The following CACNA1D variants were observed in gnomAD, a reference collection of about 807,000 sequenced individuals.
The protein encoded by CACNA1D is voltage-dependent L-type calcium channel subunit alpha-1D.
CACNA1D carries 55 observed loss-of-function variants against 257.1 expected under a neutral mutation model. That is an observed-to-expected ratio of 0.21 (90% CI 0.17 to 0.27). The LOEUF (loss-of-function observed/expected upper bound fraction) is 0.27, where lower values mean the gene tolerates loss of function less well. CACNA1D is among the 10% of genes least tolerant of loss of function. The pLI, the probability that CACNA1D is intolerant of heterozygous loss-of-function variation, is 1.00. For missense variants in CACNA1D, 1,876 were observed against 2,784.0 expected, an observed-to-expected ratio of 0.67 and a Z score of 7.34; for synonymous variants, 980 against 1,014.9, an observed-to-expected ratio of 0.97 and a Z score of 0.65.
At chr3:53,622,922 C>G (rs191684925) in intron 3 of CACNA1D, among the ~76,000 whole-genome samples, 200 of 150,664 alleles carry the variant, frequency 1.3e-3, no homozygotes, top group Non-Finnish European at 1.6e-3. Flanking sequence ...CGGAGTCTTG[C>G]TCTGTCACCC....
intron 3 of CACNA1D, chr3:53,530,331 A>T (rs529500637): frequency 2.0e-5 from 3 of 152,274 alleles, no homozygotes; most frequent in East Asian, 1.9e-4. Context: ...GTGTGTTGTC[A>T]TGCTTTAGGA....
At chr3:53,715,325 A>G (rs780376036) in intron 9 of CACNA1D, among the ~76,000 whole-genome samples, 24 of 152,254 alleles carry the variant, frequency 1.6e-4, no homozygotes, top group Middle Eastern at 3.4e-3. Context: ...GGTGTCAAAC[A>G]ACTATGACAG....
rs76116753 is a variant in CACNA1D, at chr3:53,570,171, T to G, written c.483+68451T>G. On this transcript the variant is annotated intron_variant, in intron 3 of 47. Coordinates refer to ENST00000350061, the MANE Select transcript of CACNA1D (RefSeq NM_001128840.3). ...GTTAGATTTGATTTACATTTCAACT[T>G]ACAGAGCCTTTTTCAGGAATTTATT... 3.2e-3 allele frequency among the ~76,000 whole-genome samples: 487 copies of G among 152,364 alleles called. 4 individuals carry two copies. The highest frequency in any genetic ancestry group is 0.011 in the African/African-American group (438 of 41,588).
chr3:53,502,052 C>CTTTTTTTTT (rs750904996), intron 3 of CACNA1D, among the ~76,000 whole-genome samples: 1 of 135,386 alleles, frequency 7.4e-6, no homozygotes. Context: ...TTTTTCTTTT[C>CTTTTTTTTT]TTTTTTTTTT....
chr3:53,511,379 C>T (rs766557333), intron 3 of CACNA1D, among the ~76,000 whole-genome samples: 2 of 152,284 alleles, frequency 1.3e-5, no homozygotes, highest in South Asian at 4.1e-4. Flanking sequence ...CATCCTGACA[C>T]ACAGGGTTTT....
chr3:53,807,081 C>T (rs1025384528), intron 45 of CACNA1D, among the ~76,000 whole-genome samples: 2 of 152,250 alleles, frequency 1.3e-5, no homozygotes, highest in African/African-American at 4.8e-5. Flanking sequence ...TTCCCTCCTC[C>T]ACCTGTGTTC....
chr3:53,746,268 C>T lies in CACNA1D; in HGVS notation c.3167+393C>T, dbSNP rs370366339. On this transcript the variant is annotated intron_variant, in intron 25 of 47. Transcript: ENST00000350061. Reference sequence around the variant, plus strand: ...CATGACAGCCATGTGGATGATTTCCCCAAATCAGAATTTGGAACTCAACTC... The same window carrying T: ...CATGACAGCCATGTGGATGATTTCCTCAAATCAGAATTTGGAACTCAACTC... Among the ~76,000 whole-genome samples the T allele has an allele frequency of 5.9e-5, 9 of 152,238 alleles. No homozygotes were observed. In the East Asian group the frequency reaches 1.2e-3, roughly 20 times the overall value.
chr3:53,774,702 T>C lies in CACNA1D; in HGVS notation c.4202+24T>C. 6.8e-7 allele frequency: 1 copy of C among 1,460,318 alleles called. No homozygotes were observed. The highest frequency in any genetic ancestry group is 9.6e-7 in the Non-Finnish European group (1 of 1,039,614). 90.5% of individuals were successfully genotyped at this position (1,460,318 alleles called of 1,614,324 possible). ...AGGTGACTGCAACTGGCTTGGGCGG[T>C]GCTCCTGGGCAGGGGGGTCCGCTAG... On this transcript the variant is annotated intron_variant, in intron 34 of 47. Coordinates refer to ENST00000350061, the MANE Select transcript of CACNA1D (RefSeq NM_001128840.3). The surrounding 1 kb of genome is among the most constrained non-coding windows in gnomAD (Gnocchi z 4.3).
At chr3:53,567,446 A>G (rs939497450) in intron 3 of CACNA1D, among the ~76,000 whole-genome samples, 1 of 152,216 alleles carries the variant, frequency 6.6e-6, no homozygotes, top group African/African-American at 2.4e-5. Flanking sequence ...TCAGACCTCA[A>G]AGTCTCTTCT....
chr3:53,755,198 A>T (rs2095255698), intron 29 of CACNA1D, among the ~76,000 whole-genome samples: 1 of 152,224 alleles, frequency 6.6e-6, no homozygotes, highest in African/African-American at 2.4e-5. Context: ...TGCAACATGG[A>T]ACCTCTCTGT....
chr3:53,655,476 T>G (rs1034737189), intron 4 of CACNA1D, among the ~76,000 whole-genome samples: 4 of 152,196 alleles, frequency 2.6e-5, no homozygotes, highest in African/African-American at 9.7e-5. Flanking sequence ...CTCGTCAGCA[T>G]CTGTTATTTT....
At chr3:53,649,402 C>T (rs780716546) in intron 3 of CACNA1D, among the ~76,000 whole-genome samples, 3 of 151,984 alleles carry the variant, frequency 2.0e-5, no homozygotes, top group African/African-American at 4.8e-5. Context: ...CCCTGGAATC[C>T]GTTGTGAAAA....
At position 53,800,559 on chromosome 3, in the gene CACNA1D, C is replaced by T. The variant is rs1265039050; in HGVS notation, c.5040+194C>T. On this transcript the variant is annotated intron_variant, in intron 41 of 47. Coordinates refer to ENST00000350061, the MANE Select transcript of CACNA1D (RefSeq NM_001128840.3). The surrounding 1 kb of genome is among the most constrained non-coding windows in gnomAD (Gnocchi z 4.3). Reference sequence around the variant, plus strand: ...ATCAGCACCTCTTCTAGGGCCAGGCCAGCTCTTTCCCTGAGCTTACCCAGC... The same window carrying T: ...ATCAGCACCTCTTCTAGGGCCAGGCTAGCTCTTTCCCTGAGCTTACCCAGC... 7.6e-6 allele frequency: 5 copies of T among 660,048 alleles called. No individual in the cohort carries two copies. The highest frequency in any genetic ancestry group is 1.4e-5 in the Non-Finnish European group (5 of 360,688). 40.9% of individuals were successfully genotyped at this position (660,048 alleles called of 1,614,324 possible). A position where few individuals can be genotyped will look rare whatever the true frequency, so the allele number is the denominator to read the frequency against.
chr3:53,656,558 G>C (rs1419547814), intron 4 of CACNA1D, among the ~76,000 whole-genome samples: 2 of 152,150 alleles, frequency 1.3e-5, no homozygotes, highest in East Asian at 3.8e-4. Flanking sequence ...CTCCAGCCAT[G>C]AAACAGTAAT....
rs923852459 is a variant in CACNA1D at position 53,745,556 on chromosome 3, G to A, written c.3007-68G>A. 1.3e-5 allele frequency: 13 copies of A among 979,590 alleles called. No homozygotes were observed. The African/African-American group carries it at 1.6e-4, about 12-fold the overall frequency. The allele number at this position is 979,590 out of a possible 1,614,324, so 60.7% of individuals were successfully genotyped here. On this transcript the variant is annotated intron_variant, in intron 23 of 47. Coordinates refer to ENST00000350061, the MANE Select transcript of CACNA1D (RefSeq NM_001128840.3). Reference sequence around the variant, plus strand: ...GTGCCTGGCCAACACAGAAACTGTCGGCTGATGTTAGCTCACCTCAAGGCC... The same window carrying A: ...GTGCCTGGCCAACACAGAAACTGTCAGCTGATGTTAGCTCACCTCAAGGCC...
intron 19 of CACNA1D, among the ~76,000 whole-genome samples, chr3:53,733,428 C>A (rs2108774565): frequency 6.6e-6 from 1 of 152,102 alleles, no homozygotes; most frequent in South Asian, 2.1e-4. Flanking sequence ...CCTCATAGAT[C>A]CCCCACTTGA....
intron 39 of CACNA1D, among the ~76,000 whole-genome samples, chr3:53,784,728 C>T (rs1300791441): frequency 6.6e-6 from 1 of 152,164 alleles, no homozygotes; most frequent in Admixed American, 6.5e-5. Flanking sequence ...CCACCAGAGA[C>T]TCTCCCTGGG....
chr3:53,751,429 T>A lies in CACNA1D; in HGVS notation c.3517-320T>A, dbSNP rs985399966. Among the ~76,000 whole-genome samples, 1 of 152,220 alleles carries A rather than the reference T, an allele frequency of 6.6e-6. No homozygotes were observed. Among genetic ancestry groups the A allele is most frequent in the Non-Finnish European group, 1.5e-5 (1 of 68,030 alleles). The stretch of plus-strand genomic sequence containing the variant: ...GACCCAGTCCTCACTCCTGCTTGTG[T>A]ATACACTGCAGGGCCTCAGGAAAGA... On this transcript the variant is annotated intron_variant, in intron 27 of 47. Transcript: ENST00000350061. The surrounding 1 kb of genome is among the most constrained non-coding windows in gnomAD (Gnocchi z 4.3).
chr3:53,714,441 T>C (rs1293561108), intron 9 of CACNA1D, among the ~76,000 whole-genome samples: 2 of 152,234 alleles, frequency 1.3e-5, no homozygotes, highest in Non-Finnish European at 2.9e-5. Flanking sequence ...TTCATGAGTT[T>C]GTATGACTCT....
Sources: gnomAD v4.1 joint callset for allele counts (sites outside exome capture counted in the v4.1 genomes callset) on GRCh38, gnomAD v4.1.1 for gene constraint, Gnocchi (gnomAD v3.1) non-coding constraint, MANE v1.5 for transcripts, NCBI Gene and HGNC (gene_info 2026-07-23, HGNC 2026-07-21) for gene names.